Variants in COLEC11 observed in about 807,000 individuals in gnomAD.
The protein encoded by COLEC11 is collectin-11.
COLEC11 carries 20 observed loss-of-function variants against 27.3 expected under a neutral mutation model. That is an observed-to-expected ratio of 0.73 (90% CI 0.51 to 1.06). COLEC11 has a LOEUF of 1.06. Ranked by LOEUF, COLEC11 falls within the 50% of genes least tolerant of loss-of-function variation. The pLI, the probability that COLEC11 is intolerant of heterozygous loss-of-function variation, is 0.00. For missense variants in COLEC11, 310 were observed against 383.0 expected (o/e 0.81, Z 1.59); for synonymous variants, 163 against 154.7 (o/e 1.05, Z -0.40).
At chr2:3,637,211 G>T (rs1160071077) in intron 3 of COLEC11, among the ~76,000 whole-genome samples, 1 of 152,198 alleles carries the variant, frequency 6.6e-6, no homozygotes, top group Non-Finnish European at 1.5e-5. Context: ...GGAAAGACGA[G>T]CTCTCGTCTC....
intron 4 of COLEC11, among the ~76,000 whole-genome samples, chr2:3,638,359 G>A (rs934392215): frequency 7.2e-5 from 11 of 152,186 alleles, no homozygotes; most frequent in African/African-American, 2.2e-4. Flanking sequence ...GGAGCTGGCC[G>A]TCCCTGAGCT....
chr2:3,637,592 A>G lies in COLEC11; in HGVS notation c.262A>G (p.Ile88Val). Residue 88 changes from isoleucine to valine, a missense_variant, in exon 4 of 7, where the codon ATT (isoleucine) becomes GTT (valine). By Grantham distance (29) the Ile-to-Val change is conservative. Transcript: ENST00000349077. Reference protein sequence around the residue: ...SVGRHGKIGPIGSKGEKGDSG... With the variant: ...SVGRHGKIGPVGSKGEKGDSG... ...GGGTCGTCATGGAAAAATTGGTCCCATTGGCTCTAAAGGTATTTGCAATGC... is the reference window on the plus strand; with the variant it reads ...GGGTCGTCATGGAAAAATTGGTCCCGTTGGCTCTAAAGGTATTTGCAATGC... The G allele has an allele frequency of 1.2e-6, 2 of 1,613,986 alleles. No individual in the cohort carries two copies. The highest frequency in any genetic ancestry group is 1.7e-6 in the Non-Finnish European group (2 of 1,179,872).
At chr2:3,607,547 A>G (rs900738399) in intron 2 of COLEC11, among the ~76,000 whole-genome samples, 2 of 145,900 alleles carry the variant, frequency 1.4e-5, no homozygotes, top group African/African-American at 5.0e-5. Context: ...TCTCAGGTTC[A>G]AGTGATTCTC....
rs1176546087 is a variant in COLEC11 at position 3,604,347 on chromosome 2, G to A, written c.7G>A (p.Gly3Arg). 6.2e-7 allele frequency: 1 copy of A among 1,614,236 alleles called. No homozygotes were observed. The highest frequency in any genetic ancestry group is 1.1e-5 in the South Asian group (1 of 91,088). The change falls in exon 2 of 7, where the codon GGG (glycine) becomes AGG (arginine). Residue 3 changes from glycine (G) to arginine (R), a missense_variant. Transcript: ENST00000349077. MR[G>R]NLALVGVLIS... ...TGTCCTGCCTGCGCTCAGGATGAGGGGGAATCTGGCCCTGGTGGGCGTTCT... is the reference window on the plus strand; with the variant it reads ...TGTCCTGCCTGCGCTCAGGATGAGGAGGAATCTGGCCCTGGTGGGCGTTCT...
intron 3 of COLEC11, among the ~76,000 whole-genome samples, chr2:3,625,232 C>T (rs973464985): frequency 1.3e-5 from 2 of 152,166 alleles, no homozygotes; most frequent in South Asian, 2.1e-4. Flanking sequence ...TTTCAGGCTC[C>T]GAGGCCTGTC....
chr2:3,613,434 T>A, intron 3 of COLEC11, 52 bp downstream of exon 3: 1 of 1,536,232 alleles, frequency 6.5e-7, no homozygotes, highest in African/African-American at 1.4e-5. Context: ...GAGGCACCGC[T>A]CCTGCTAGAG....
intron 3 of COLEC11, among the ~76,000 whole-genome samples, chr2:3,625,835 A>G (rs1664515785): frequency 6.6e-6 from 1 of 151,794 alleles, no homozygotes; most frequent in South Asian, 2.1e-4. Flanking sequence ...GTTTCACCAC[A>G]TTGGCCACAC....
chr2:3,631,159 A>G (rs1489991022), intron 3 of COLEC11, among the ~76,000 whole-genome samples: 2 of 152,084 alleles, frequency 1.3e-5, no homozygotes, highest in African/African-American at 4.8e-5. Flanking sequence ...TGAACCTGGG[A>G]GGCAGAGGTT....
intron 3 of COLEC11, among the ~76,000 whole-genome samples, chr2:3,620,810 T>C (rs1476877304): frequency 6.6e-6 from 1 of 151,196 alleles, no homozygotes; most frequent in Non-Finnish European, 1.5e-5. Context: ...TTCAGGAATG[T>C]GTTGTTTAAT....
chr2:3,642,204 A>G (rs1273720903), intron 5 of COLEC11, among the ~76,000 whole-genome samples: 2 of 152,216 alleles, frequency 1.3e-5, no homozygotes, highest in African/African-American at 4.8e-5. Flanking sequence ...AGGGGCACAG[A>G]TACTCGATTT....
In COLEC11 at chr2:3,643,425, G is replaced by C; in HGVS notation, c.329-19G>C. The C allele has an allele frequency of 6.2e-7, 1 of 1,605,596 alleles. No individual in the cohort carries two copies. ...AGTCCTCATCCAGCGTTTGTAACGCGTGGGCCTGGCCCCCGCAGGCCTCCC... is the reference window on the plus strand; with the variant it reads ...AGTCCTCATCCAGCGTTTGTAACGCCTGGGCCTGGCCCCCGCAGGCCTCCC... On this transcript the variant is annotated intron_variant, in intron 5 of 6. Coordinates refer to ENST00000349077, the MANE Select transcript of COLEC11 (RefSeq NM_024027.5).
At chr2:3,617,653 G>A (rs1334430082) in intron 3 of COLEC11, 11 of 1,611,806 alleles carry the variant, frequency 6.8e-6, no homozygotes, top group African/African-American at 2.7e-5. Flanking sequence ...CGAATTTCTC[G>A]ATCTCAGCCA....
intron 2 of COLEC11, among the ~76,000 whole-genome samples, chr2:3,605,459 G>GGC (rs1662592148): frequency 9.2e-6 from 1 of 108,830 alleles, no homozygotes; most frequent in Non-Finnish European, 1.9e-5. Context: ...CCGAGGAGGG[G>GGC]AGGGGAGTCA....
At chr2:3,610,219 A>G (rs1448534868) in intron 2 of COLEC11, among the ~76,000 whole-genome samples, 1 of 152,220 alleles carries the variant, frequency 6.6e-6, no homozygotes, top group East Asian at 1.9e-4. Flanking sequence ...CTTCACCTCT[A>G]GAGTGGACAT....
intron 1 of COLEC11, among the ~76,000 whole-genome samples, chr2:3,599,499 C>A (rs1301175331): frequency 6.6e-6 from 1 of 152,226 alleles, no homozygotes; most frequent in Non-Finnish European, 1.5e-5. Context: ...TCAGGAGCTG[C>A]CATTTGGTGA....
At chr2:3,634,621 A>C in intron 3 of COLEC11, among the ~76,000 whole-genome samples, 1 of 152,088 alleles carries the variant, frequency 6.6e-6, no homozygotes, top group East Asian at 1.9e-4. Context: ...TTTTACTGTT[A>C]CAGAAATCTT....
Position 3,602,031 on chromosome 2 carries a change from C to G in COLEC11, c.-26-2284C>G, listed in dbSNP as rs1662268283. 1 of 152,294 alleles carries G rather than the reference C, an allele frequency of 6.6e-6. No individual in the cohort carries two copies. Among genetic ancestry groups the G allele is most frequent in the African/African-American group, 2.4e-5 (1 of 41,452 alleles). 9.4% of individuals were successfully genotyped at this position (152,294 alleles called of 1,614,324 possible). A position where few individuals can be genotyped will look rare whatever the true frequency, so the allele number is the denominator to read the frequency against. ...GGACATCAGGTGGCAAAGGTGGGCT[C>G]TCGCCAGCCAGAGGCGGGGTCTCTG... On this transcript the variant is annotated intron_variant, in intron 1 of 6. Coordinates refer to ENST00000349077, the MANE Select transcript of COLEC11 (RefSeq NM_024027.5). This position sits in a 1 kb window ranked among gnomAD's most constrained non-coding sequence, Gnocchi z 6.2.
At chr2:3,638,010 G>A (rs1252369350) in intron 4 of COLEC11, among the ~76,000 whole-genome samples, 1 of 152,206 alleles carries the variant, frequency 6.6e-6, no homozygotes, top group East Asian at 1.9e-4. Flanking sequence ...CAGGTATTTC[G>A]AGGTGATGGG....
At chr2:3,610,989 T>C (rs1663145370) in intron 2 of COLEC11, among the ~76,000 whole-genome samples, 1 of 152,186 alleles carries the variant, frequency 6.6e-6, no homozygotes, top group Admixed American at 6.5e-5. Context: ...TGCTCTGACA[T>C]GTCTGAGTTA....
Sources: allele counts gnomAD v4.1 joint callset (sites outside exome capture counted in the v4.1 genomes callset), GRCh38; gene constraint gnomAD v4.1.1; non-coding constraint Gnocchi (gnomAD v3.1); transcripts MANE v1.5; gene names NCBI Gene and HGNC (gene_info 2026-07-23, HGNC 2026-07-21).